The following PHF20 variants were observed in gnomAD, a reference collection of about 807,000 sequenced individuals.
The protein encoded by PHF20 is glioma-expressed antigen 2.
Under a neutral mutation model 113.5 loss-of-function variants are expected in PHF20, and 23 were observed. The ratio of observed to expected loss-of-function variants is 0.20; its 90% CI spans 0.15 to 0.29. The LOEUF is 0.29. Among genes scored for constraint, PHF20 ranks in the 10% least tolerant of loss-of-function variants. The pLI is 1.00. For synonymous variants in PHF20, 434 were observed against 457.3 expected (o/e 0.95, Z 0.65); for missense variants, 943 against 1,219.6 (o/e 0.77, Z 3.38).
chr20:35,864,004 G>A (rs1364860837), intron 6 of PHF20, among the ~76,000 whole-genome samples: 1 of 152,104 alleles, frequency 6.6e-6, no homozygotes, highest in Non-Finnish European at 1.5e-5. Flanking sequence ...TTAAAATTTG[G>A]AATTCTTCTA....
At chr20:35,799,098 G>A (rs1334600716) in intron 1 of PHF20, among the ~76,000 whole-genome samples, 3 of 152,044 alleles carry the variant, frequency 2.0e-5, no homozygotes, top group African/African-American at 7.2e-5. Context: ...TGTTCTGGTA[G>A]GAGGCAGGCA....
chr20:35,843,584 C>G (rs1387816816), intron 3 of PHF20, among the ~76,000 whole-genome samples: 1 of 149,408 alleles, frequency 6.7e-6, no homozygotes, highest in Non-Finnish European at 1.5e-5. Context: ...GTCTCATATG[C>G]AAGGTCTTCT....
intron 2 of PHF20, among the ~76,000 whole-genome samples, chr20:35,823,667 GAAAA>G (rs1255536349): frequency 7.4e-6 from 1 of 135,712 alleles, no homozygotes; most frequent in African/African-American, 2.7e-5. Context: ...GGTGAAGAAA[GAAAA>G]AAAAAGATAT....
intron 9 of PHF20, among the ~76,000 whole-genome samples, chr20:35,898,056 A>C (rs1183246073): frequency 6.6e-6 from 1 of 151,444 alleles, no homozygotes; most frequent in Non-Finnish European, 1.5e-5. Context: ...TTGTATTTTT[A>C]GTAGAGATGG....
chr20:35,821,182 C>T (rs1332552813), intron 2 of PHF20, among the ~76,000 whole-genome samples: 5 of 152,004 alleles, frequency 3.3e-5, no homozygotes, highest in Non-Finnish European at 7.4e-5. Context: ...GGTGCAGTGG[C>T]TCGCACCTGT....
At chr20:35,837,623 T>G (rs773641478) in intron 2 of PHF20, among the ~76,000 whole-genome samples, 3 of 152,250 alleles carry the variant, frequency 2.0e-5, no homozygotes, top group African/African-American at 4.8e-5. Context: ...CAGTTGATTA[T>G]CAGCAATTAA....
At chr20:35,944,723 A>G (rs1187389298) in intron 17 of PHF20, among the ~76,000 whole-genome samples, 1 of 152,056 alleles carries the variant, frequency 6.6e-6, no homozygotes, top group African/African-American at 2.4e-5. Flanking sequence ...GCCTGCCACC[A>G]CACCTGGCTG....
At chr20:35,869,590 C>CCCAAACAATGTCAAATTCTA in intron 7 of PHF20, 39 bp downstream of exon 7, 1 of 1,121,274 alleles carries the variant, frequency 8.9e-7, no homozygotes, top group Non-Finnish European at 1.4e-6. Context: ...TAGAATTTGA[C>CCCAAACAATGTCAAATTCTA]GTTGTTTGGG....
At chr20:35,870,723 CAT>C (rs2054406104) in intron 7 of PHF20, among the ~76,000 whole-genome samples, 2 of 152,242 alleles carry the variant, frequency 1.3e-5, no homozygotes, top group African/African-American at 2.4e-5. Context: ...TGACCTAGCA[CAT>C]GTTTTCAGAC....
intron 10 of PHF20, among the ~76,000 whole-genome samples, chr20:35,910,670 C>T (rs1185942085): frequency 6.6e-6 from 1 of 151,296 alleles, no homozygotes; most frequent in Non-Finnish European, 1.5e-5. Flanking sequence ...GCTGTGTTGC[C>T]CAGGCTGGAG....
intron 2 of PHF20, among the ~76,000 whole-genome samples, chr20:35,809,205 G>A (rs1009453357): frequency 2.0e-5 from 3 of 151,226 alleles, no homozygotes; most frequent in African/African-American, 7.3e-5. Flanking sequence ...ACATCACGAC[G>A]CCATTGTACT....
chr20:35,791,965 A>G (rs1179548732), intron 1 of PHF20, among the ~76,000 whole-genome samples: 1 of 152,184 alleles, frequency 6.6e-6, no homozygotes, highest in East Asian at 1.9e-4. Flanking sequence ...AAGGTCATAC[A>G]GCAGATACAT....
At chr20:35,841,092 G>A (rs985300989) in intron 2 of PHF20, among the ~76,000 whole-genome samples, 1 of 152,096 alleles carries the variant, frequency 6.6e-6, no homozygotes, top group Non-Finnish European at 1.5e-5. Flanking sequence ...CATTTGGGGA[G>A]GCTGAGCCAG....
intron 7 of PHF20, 87 bp downstream of exon 7, chr20:35,869,638 A>G (rs1183777118): frequency 6.5e-6 from 5 of 764,034 alleles, no homozygotes; most frequent in African/African-American, 3.5e-5. Flanking sequence ...CCCATTCCCT[A>G]TAGGCTCTAA....
intron 9 of PHF20, among the ~76,000 whole-genome samples, chr20:35,896,799 CAAAAAAAAA>C (rs34377497): frequency 1.6e-5 from 1 of 62,472 alleles, no homozygotes; most frequent in African/African-American, 5.9e-5. Flanking sequence ...GACTCCGTCT[CAAAAAAAAA>C]AAAAAAAAAA....
At chr20:35,795,976 G>C (rs2041658605) in intron 1 of PHF20, among the ~76,000 whole-genome samples, 2 of 152,054 alleles carry the variant, frequency 1.3e-5, no homozygotes, top group African/African-American at 4.8e-5. Flanking sequence ...TCAGCCTCCT[G>C]AGTAGCTGGG....
intron 13 of PHF20, among the ~76,000 whole-genome samples, chr20:35,921,557 G>A (rs904029568): frequency 6.6e-6 from 1 of 151,956 alleles, no homozygotes; most frequent in Admixed American, 6.6e-5. Context: ...GGTGATGCAT[G>A]CCAGCAGACC....
chr20:35,847,462 T>C (rs557530291), intron 4 of PHF20, 28 bp downstream of exon 4: 7 of 1,428,850 alleles, frequency 4.9e-6, no homozygotes, highest in South Asian at 1.2e-5. Flanking sequence ...TAGTTGTTTT[T>C]ACTCATGACT....
chr20:35,815,072 T>G (rs1343185763), intron 2 of PHF20, among the ~76,000 whole-genome samples: 2 of 151,712 alleles, frequency 1.3e-5, no homozygotes, highest in African/African-American at 4.8e-5. Context: ...GGCAGGTGCC[T>G]GTAATTCCAG....
Sources: gnomAD v4.1 joint callset for allele counts (sites outside exome capture counted in the v4.1 genomes callset) on GRCh38, gnomAD v4.1.1 for gene constraint, MANE v1.5 for transcripts, NCBI Gene and HGNC (gene_info 2026-07-23, HGNC 2026-07-21) for gene names.